The following CALCOCO2 variants were observed in gnomAD, a reference collection of about 807,000 sequenced individuals.
CALCOCO2 encodes the protein calcium binding and coiled-coil domain 2, also known as calcium-binding and coiled-coil domain-containing protein 2.
CALCOCO2 carries 42 observed loss-of-function variants against 62.5 expected under a neutral mutation model. The ratio of observed to expected loss-of-function variants is 0.67; its 90% CI spans 0.53 to 0.87. The LOEUF is 0.87. Ranked by LOEUF, CALCOCO2 falls within the 40% of genes least tolerant of loss-of-function variation. The probability of loss-of-function intolerance (pLI) is 0.00; values close to 1 mark genes in which losing one functional copy is unlikely to be tolerated. For missense variants in CALCOCO2, 456 were observed against 515.0 expected (o/e 0.89, Z 1.11); for synonymous variants, 167 against 173.0 (o/e 0.97, Z 0.27).
intron 1 of CALCOCO2, among the ~76,000 whole-genome samples, chr17:48,840,459 A>T (rs985805764): frequency 1.3e-5 from 2 of 152,164 alleles, no homozygotes; most frequent in Non-Finnish European, 2.9e-5. Context: ...ATCACATTTT[A>T]TCTGTACTAT....
At position 48,862,823 on chromosome 17, in the gene CALCOCO2, T is replaced by G; in HGVS notation, c.1174-15T>G. ...TAGCTTACATTTGTACTGACCTCTT[T>G]GCTCTTCCTCCCAGCTCTCCATCAA... On this transcript the variant is annotated splice_polypyrimidine_tract_variant and intron_variant, in intron 12 of 12. Transcript: ENST00000258947. The G allele has an allele frequency of 6.2e-7, 1 of 1,612,842 alleles. No homozygotes were observed.
rs1424200914 is a variant in CALCOCO2, at chr17:48,860,295, A to G, written c.1009-19A>G. ...CTTGGTATTGTCTTTCAACATGTCT[A>G]TAAATCCTCTATCCTTAGCTTTTGA... On this transcript the variant is annotated intron_variant, in intron 10 of 12. Coordinates refer to ENST00000258947, the MANE Select transcript of CALCOCO2 (RefSeq NM_005831.5). 3 of 1,611,374 alleles carry G rather than the reference A, an allele frequency of 1.9e-6. No homozygotes were observed. The highest frequency in any genetic ancestry group is 2.2e-5 in the South Asian group (2 of 90,916).
Position 48,848,444 on chromosome 17 carries a change from G to A in CALCOCO2, c.406G>A (p.Val136Ile). The A allele has an allele frequency of 6.2e-7, 1 of 1,613,924 alleles. No individual in the cohort carries two copies. Among genetic ancestry groups the A allele is most frequent in the Non-Finnish European group, 8.5e-7 (1 of 1,179,898 alleles). The change falls in exon 4 of 13, where the codon GTT becomes ATT. Residue 136 changes from valine (V) to isoleucine (I), a missense_variant. Val to Ile is a conservative substitution (Grantham distance 29). Coordinates refer to ENST00000258947, the MANE Select transcript of CALCOCO2 (RefSeq NM_005831.5). ...AGAAAATGAGGAAGACATCCTGGTT[G>A]TTACCACTCAGGTTTGTAAAACTTC... ...RPENEEDILV[V>I]TTQGEVEEIE...
chr17:48,845,665 G>A (rs761960064), intron 2 of CALCOCO2, among the ~76,000 whole-genome samples: 2 of 149,218 alleles, frequency 1.3e-5, no homozygotes, highest in Non-Finnish European at 3.0e-5. Context: ...GGAGGCGGAG[G>A]TTGCAGTGAG....
intron 2 of CALCOCO2, 72 bp downstream of exon 2, chr17:48,841,959 CTG>C (rs2039979808): frequency 6.4e-6 from 7 of 1,093,712 alleles, no homozygotes; most frequent in African/African-American, 4.7e-5. Context: ...GTGTGACTCT[CTG>C]TGTATTATAA....
At chr17:48,858,000 A>AAT (rs1567759109) in intron 10 of CALCOCO2, among the ~76,000 whole-genome samples, 9 of 22,344 alleles carry the variant, frequency 4.0e-4, no homozygotes, top group African/African-American at 9.7e-4. Flanking sequence ...AATAGAATAG[A>AAT]ATAGAATAGA....
At chr17:48,835,730 CTTTTCTTT>C (rs2039881060) in intron 1 of CALCOCO2, among the ~76,000 whole-genome samples, 1 of 466 alleles carries the variant, frequency 2.1e-3, no homozygotes, top group Non-Finnish European at 0.012. Context: ...TTTTTCTTTT[CTTTTCTTT>C]TCTTTTCTTT....
Position 48,848,360 on chromosome 17 carries a change from T to C in CALCOCO2, c.322T>C (p.Cys108Arg), listed in dbSNP as rs1380653117. 1 of 1,613,410 alleles carries C rather than the reference T, an allele frequency of 6.2e-7. No individual in the cohort carries two copies. Among genetic ancestry groups the C allele is most frequent in the Non-Finnish European group, 8.5e-7 (1 of 1,179,426 alleles). ...CAAGGATGATGAGTATTACCAGTTC[T>C]GCTATGTGGATGAGGATGGTGTGGT... ...LPKDDEYYQF[C>R]YVDEDGVVRG... The change falls in exon 4 of 13, where the codon TGC becomes CGC. Residue 108 changes from cysteine (C) to arginine (R), a missense_variant. Cys to Arg is a radical substitution (Grantham distance 180). Around this residue, in one of 3 missense-constraint regions of CALCOCO2, gnomAD observed 236 missense variants for 225.3 expected, o/e 1.05. Transcript: ENST00000258947.
At chr17:48,852,274 CA>C in intron 7 of CALCOCO2, 1 of 412,102 alleles carries the variant, frequency 2.4e-6, no homozygotes. Context: ...TCTTTTCAAG[CA>C]AAATCGTACT....
At position 48,864,414 on chromosome 17, in the gene CALCOCO2, G is replaced by C. The variant is rs1170007468; in HGVS notation, c.*1409G>C. On this transcript the variant is annotated 3_prime_UTR_variant, in exon 13 of 13. Transcript: ENST00000258947. The stretch of plus-strand genomic sequence containing the variant: ...TTTCCATGCATTTTTTTTAAAAGGA[G>C]CAGTGTGGATTTTCGCACCCTTTGT... The C allele has an allele frequency of 6.5e-6, 1 of 154,240 alleles. No individual in the cohort carries two copies. Among genetic ancestry groups the C allele is most frequent in the Non-Finnish European group, 1.5e-5 (1 of 68,182 alleles). The allele number at this position is 154,240 out of a possible 1,614,324, so 9.6% of individuals were successfully genotyped here.
chr17:48,847,618 G>T (rs12948015), intron 2 of CALCOCO2: 54,680 of 152,380 alleles, frequency 0.36, 11,616 homozygotes, highest in Non-Finnish European at 0.49. Context: ...GAGCCCTGGC[G>T]TGAGAATCTT....
intron 1 of CALCOCO2, among the ~76,000 whole-genome samples, chr17:48,838,606 C>T (rs983069028): frequency 4.0e-5 from 6 of 151,848 alleles, no homozygotes; most frequent in Non-Finnish European, 8.8e-5. Flanking sequence ...GCCAGCTACT[C>T]GGGAGGCCGA....
intron 2 of CALCOCO2, chr17:48,844,172 C>G (rs1000501392): frequency 6.6e-6 from 1 of 152,170 alleles, no homozygotes; most frequent in African/African-American, 2.4e-5. Flanking sequence ...TGTGAGCCAC[C>G]GCACCCGGCC....
intron 7 of CALCOCO2, among the ~76,000 whole-genome samples, chr17:48,851,854 G>A (rs889269497): frequency 2.0e-5 from 3 of 151,844 alleles, no homozygotes; most frequent in Admixed American, 6.6e-5. Context: ...ATTCACAGCC[G>A]GGCGCAGTGG....
At chr17:48,845,439 C>T (rs1280062901) in intron 2 of CALCOCO2, among the ~76,000 whole-genome samples, 1 of 147,200 alleles carries the variant, frequency 6.8e-6, no homozygotes, top group Non-Finnish European at 1.5e-5. Flanking sequence ...TAATTAAATC[C>T]TCACAGTGGG....
At chr17:48,838,041 A>G (rs1051968183) in intron 1 of CALCOCO2, among the ~76,000 whole-genome samples, 2 of 152,072 alleles carry the variant, frequency 1.3e-5, no homozygotes, top group Non-Finnish European at 2.9e-5. Flanking sequence ...TTAACGAAGG[A>G]TGGGGTTTAT....
In CALCOCO2 at chr17:48,852,568, A is replaced by G; in HGVS notation, c.765A>G (p.Thr255=). The change falls in exon 8 of 13, where the codon ACA becomes ACG. Residue 255 remains threonine (T), a synonymous_variant. Coordinates refer to ENST00000258947, the MANE Select transcript of CALCOCO2 (RefSeq NM_005831.5). The stretch of plus-strand genomic sequence containing the variant: ...TTGTTCAGGGAGATCAAGATAAGAC[A>G]GAGCAGTTAGAGCAGCTGAAAAAGG... ...EKLVQGDQDK[T]EQLEQLKKEN... 1.2e-6 allele frequency: 2 copies of G among 1,612,476 alleles called. No homozygotes were observed. The highest frequency in any genetic ancestry group is 1.7e-6 in the Non-Finnish European group (2 of 1,178,514).
intron 1 of CALCOCO2, among the ~76,000 whole-genome samples, chr17:48,834,364 G>GA (rs2039861190): frequency 6.6e-6 from 1 of 152,100 alleles, no homozygotes; most frequent in African/African-American, 2.4e-5. Flanking sequence ...AAACTGAGCT[G>GA]AAAAAAGGTA....
intron 1 of CALCOCO2, among the ~76,000 whole-genome samples, chr17:48,840,439 C>A (rs935536559): frequency 6.6e-6 from 1 of 152,164 alleles, no homozygotes; most frequent in Middle Eastern, 3.2e-3. Context: ...CCACAACTTT[C>A]CTATTCTTGA....
Sources: gnomAD v4.1 joint callset for allele counts (sites outside exome capture counted in the v4.1 genomes callset) on GRCh38, gnomAD v4.1.1 for gene constraint, gnomAD v4.1.1 regional missense constraint, MANE v1.5 for transcripts, NCBI Gene and HGNC (gene_info 2026-07-23, HGNC 2026-07-21) for gene names.